The following NFAM1 variants were observed in gnomAD, a reference collection of about 807,000 sequenced individuals.
NFAM1 encodes NFAT activation molecule 1.
Under a neutral mutation model 29.0 loss-of-function variants are expected in NFAM1, and 17 were observed. The observed-to-expected ratio is 0.59, with a 90% CI of 0.40 to 0.88. The LOEUF (loss-of-function observed/expected upper bound fraction) is 0.88, where lower values mean the gene tolerates loss of function less well. Ranked by LOEUF, NFAM1 falls within the 40% of genes least tolerant of loss-of-function variation. The probability of loss-of-function intolerance (pLI) is 0.00; values close to 1 mark genes in which losing one functional copy is unlikely to be tolerated. For missense variants in NFAM1, 324 were observed against 344.6 expected (o/e 0.94, Z 0.47); for synonymous variants, 175 against 147.2 (o/e 1.19, Z -1.36).
At chr22:42,421,200 C>T (rs1485495036) in intron 1 of NFAM1, among the ~76,000 whole-genome samples, 1 of 152,010 alleles carries the variant, frequency 6.6e-6, no homozygotes, top group Admixed American at 6.6e-5. Context: ...CCTGTAATCC[C>T]AGCACTCTGG....
chr22:42,411,820 G>C (rs780006910), intron 1 of NFAM1, 84 bp from the exon 2 acceptor site: 23 of 908,040 alleles, frequency 2.5e-5, no homozygotes, highest in Middle Eastern at 6.3e-4. Context: ...GCTCACGACC[G>C]GGTGCGGTGG....
chr22:42,397,356 G>A (rs78515855), intron 4 of NFAM1, among the ~76,000 whole-genome samples: 35 of 152,352 alleles, frequency 2.3e-4, no homozygotes, highest in African/African-American at 8.4e-4. Context: ...GCATGTCTGC[G>A]CTGTGATTGT....
intron 3 of NFAM1, among the ~76,000 whole-genome samples, chr22:42,401,738 T>G (rs1009362930): frequency 6.6e-6 from 1 of 151,894 alleles, no homozygotes; most frequent in African/African-American, 2.4e-5. Context: ...GTGGTCCAAG[T>G]CTCCCCTCCC....
At chr22:42,415,174 G>C (rs1046982653) in intron 1 of NFAM1, among the ~76,000 whole-genome samples, 3 of 152,120 alleles carry the variant, frequency 2.0e-5, no homozygotes, top group Middle Eastern at 3.4e-3. Flanking sequence ...GGAGACGTCA[G>C]GCCAAAAAAC....
intron 1 of NFAM1, among the ~76,000 whole-genome samples, chr22:42,424,911 G>A (rs980428754): frequency 6.8e-6 from 1 of 147,804 alleles, no homozygotes; most frequent in Non-Finnish European, 1.5e-5. Context: ...CTTTCTTTTC[G>A]TATTTATTTA....
chr22:42,399,316 G>A (rs1386235684), intron 3 of NFAM1, among the ~76,000 whole-genome samples: 1 of 151,878 alleles, frequency 6.6e-6, no homozygotes, highest in African/African-American at 2.4e-5. Flanking sequence ...GCATGGTTGT[G>A]GGCGCCTGTA....
At chr22:42,414,759 G>A (rs1158909728) in intron 1 of NFAM1, among the ~76,000 whole-genome samples, 2 of 151,798 alleles carry the variant, frequency 1.3e-5, no homozygotes, top group Non-Finnish European at 2.9e-5. Context: ...TCCTCACAGT[G>A]TATCTAAGAG....
rs1289525026 is a variant in NFAM1, at chr22:42,409,126, A to G, written c.564+309T>C. 1.3e-5 allele frequency among the ~76,000 whole-genome samples: 2 copies of G among 152,118 alleles called. No individual in the cohort carries two copies. Among genetic ancestry groups the G allele is most frequent in the African/African-American group, 2.4e-5 (1 of 41,406 alleles). On this transcript the variant is annotated intron_variant, in intron 3 of 5. Coordinates refer to ENST00000329021, the MANE Select transcript of NFAM1 (RefSeq NM_145912.8). This position sits in a 1 kb window ranked among gnomAD's most constrained non-coding sequence, Gnocchi z 4.9. The stretch of plus-strand genomic sequence containing the variant: ...AGAAAACCTGAGCAGGGATTCCCTA[A>G]TCTGGGGAGCTAGAAATGGTAGGCA...
At chr22:42,429,033 A>G (rs9620047) in intron 1 of NFAM1, among the ~76,000 whole-genome samples, 29,435 of 152,108 alleles carry the variant, frequency 0.19, 3,620 homozygotes, top group African/African-American at 0.34. Flanking sequence ...AAGCCAGAGG[A>G]CAGGCCCAAG....
At chr22:42,407,428 G>A (rs111457970) in intron 3 of NFAM1, among the ~76,000 whole-genome samples, 4,258 of 152,156 alleles carry the variant, frequency 0.028, 204 homozygotes, top group African/African-American at 0.099. Context: ...GAGTGCACTG[G>A]TGTGATCTCA....
chr22:42,428,660 T>G (rs1221053181), intron 1 of NFAM1, among the ~76,000 whole-genome samples: 1 of 151,982 alleles, frequency 6.6e-6, no homozygotes, highest in Non-Finnish European at 1.5e-5. Flanking sequence ...AGGCTGAGAG[T>G]GGGGCCTATG....
intron 3 of NFAM1, among the ~76,000 whole-genome samples, chr22:42,407,504 G>A (rs747091036): frequency 1.4e-4 from 22 of 152,080 alleles, no homozygotes; most frequent in Non-Finnish European, 2.1e-4. Context: ...AAGTAGCTGG[G>A]ATTACAGGCG....
chr22:42,405,921 A>G (rs981768380), intron 3 of NFAM1, among the ~76,000 whole-genome samples: 1 of 152,144 alleles, frequency 6.6e-6, no homozygotes, highest in African/African-American at 2.4e-5. Flanking sequence ...AAGGCAGGAA[A>G]TGCAGCCCCT....
upstream of NFAM1, among the ~76,000 whole-genome samples, chr22:42,433,718 G>A (rs1313544427): frequency 2.0e-5 from 3 of 152,174 alleles, no homozygotes; most frequent in African/African-American, 4.8e-5. Flanking sequence ...AACAGGAGAA[G>A]TTTCCTACCG....
intron 1 of NFAM1, among the ~76,000 whole-genome samples, chr22:42,424,623 A>C (rs941782475): frequency 6.6e-6 from 1 of 152,156 alleles, no homozygotes; most frequent in Non-Finnish European, 1.5e-5. Context: ...GGAGGCAGAC[A>C]GTTGGGGGAG....
rs1930828087 is a variant in NFAM1, at chr22:42,432,229, G to C, written c.121+8C>G. The C allele has an allele frequency of 1.3e-6, 2 of 1,568,674 alleles. No individual in the cohort carries two copies. Among genetic ancestry groups the C allele is most frequent in the Non-Finnish European group, 1.7e-6 (2 of 1,156,190 alleles). On this transcript the variant is annotated splice_region_variant and intron_variant, in intron 1 of 5. Coordinates refer to ENST00000329021, the MANE Select transcript of NFAM1 (RefSeq NM_145912.8). The stretch of plus-strand genomic sequence containing the variant: ...GAGAGTAGAGAGAAGGAGGAAGACA[G>C]ACACTACCTGCCAGTCGCAGGGTCC...
intron 1 of NFAM1, among the ~76,000 whole-genome samples, chr22:42,425,775 C>T (rs1930602682): frequency 6.6e-6 from 1 of 152,262 alleles, no homozygotes; most frequent in Non-Finnish European, 1.5e-5. Flanking sequence ...TGGCTTTTCT[C>T]ACACAGCCTG....
At chr22:42,389,660 GTGTT>G (rs1929267520) in intron 4 of NFAM1, among the ~76,000 whole-genome samples, 1 of 126,990 alleles carries the variant, frequency 7.9e-6, no homozygotes, top group Admixed American at 8.5e-5. Context: ...GCTGGGCTGG[GTGTT>G]GGGGGCTGGG....
chr22:42,389,168 C>T (rs1044766519), intron 4 of NFAM1, among the ~76,000 whole-genome samples: 3 of 152,198 alleles, frequency 2.0e-5, no homozygotes, highest in Non-Finnish European at 4.4e-5. Flanking sequence ...TTCCCTCTCC[C>T]TCCTGTCCAG....
Sources: allele counts gnomAD v4.1 joint callset (sites outside exome capture counted in the v4.1 genomes callset), GRCh38; gene constraint gnomAD v4.1.1; non-coding constraint Gnocchi (gnomAD v3.1); transcripts MANE v1.5; gene names NCBI Gene and HGNC (gene_info 2026-07-23, HGNC 2026-07-21).